SLC9A7: variants seen among roughly 807,000 people sequenced by gnomAD.
SLC9A7 encodes the protein solute carrier family 9 member A7.
SLC9A7 carries 19 observed loss-of-function variants against 52.6 expected under a neutral mutation model. The observed-to-expected ratio is 0.36, with a 90% CI of 0.25 to 0.53. The LOEUF is 0.53. SLC9A7 is among the 20% of genes least tolerant of loss of function. The pLI is 0.91. For missense variants in SLC9A7, 455 were observed against 597.9 expected (o/e 0.76, Z 2.49); for synonymous variants, 226 against 252.1 (o/e 0.90, Z 0.98).
At chrX:46,619,430 A>C (rs1413160548) in intron 15 of SLC9A7, among the ~76,000 whole-genome samples, 1 of 111,782 alleles carries the variant, frequency 8.9e-6, no homozygotes, top group Non-Finnish European at 1.9e-5. Flanking sequence ...ATGTATATGT[A>C]CATCAAAAGA....
intron 1 of SLC9A7, among the ~76,000 whole-genome samples, chrX:46,715,175 T>C (rs1321703060): frequency 8.9e-6 from 1 of 112,069 alleles, no homozygotes; most frequent in Admixed American, 9.5e-5. Context: ...TTTCTCTCAA[T>C]AAGTATCCTA....
At chrX:46,709,057 T>C (rs1339587431) in intron 1 of SLC9A7, among the ~76,000 whole-genome samples, 1 of 111,068 alleles carries the variant, frequency 9.0e-6, no homozygotes, top group East Asian at 2.8e-4. Context: ...TGTCGTGGGA[T>C]GTGCTGAGGT....
At chrX:46,684,893 G>T in intron 1 of SLC9A7, 1 of 122,602 alleles carries the variant, frequency 8.2e-6, no homozygotes. Flanking sequence ...CTGGCCTTGG[G>T]TGTTCATTAC....
chrX:46,642,051 CAGTGGA>C (rs1188715731), intron 12 of SLC9A7, among the ~76,000 whole-genome samples: 1 of 112,311 alleles, frequency 8.9e-6, no homozygotes, highest in Non-Finnish European at 1.9e-5. Flanking sequence ...GTGAAGCTGG[CAGTGGA>C]AGTGGAAGTG....
intron 1 of SLC9A7, among the ~76,000 whole-genome samples, chrX:46,691,200 GCT>G (rs1452462010): frequency 8.9e-6 from 1 of 112,111 alleles, no homozygotes; most frequent in Non-Finnish European, 1.9e-5. Flanking sequence ...GATTTATTGA[GCT>G]CTCACACAGT....
intron 14 of SLC9A7, among the ~76,000 whole-genome samples, chrX:46,625,681 G>A (rs1006726316): frequency 3.0e-5 from 3 of 99,176 alleles, no homozygotes; most frequent in Non-Finnish European, 4.0e-5. Flanking sequence ...CTGCACTCCA[G>A]CCTGGGCAAT....
chrX:46,690,293 G>A (rs967877349), intron 1 of SLC9A7, among the ~76,000 whole-genome samples: 3 of 112,277 alleles, frequency 2.7e-5, no homozygotes, highest in African/African-American at 6.5e-5. Flanking sequence ...TAGGTGTGTA[G>A]TGGTATTTCA....
In SLC9A7 at chrX:46,651,242, A is replaced by C; in HGVS notation, c.1237-19T>G. On this transcript the variant is annotated intron_variant, in intron 9 of 16. Coordinates refer to ENST00000616978, the MANE Select transcript of SLC9A7 (RefSeq NM_001257291.2). ...CAAAGAGCTGCACAGAGAAGGGAAA[A>C]GGAAGCTGTAACCCTGCAGTTCCCC... 1 of 1,180,009 alleles carries C rather than the reference A, an allele frequency of 8.5e-7. No homozygotes were observed. Among genetic ancestry groups the C allele is most frequent in the South Asian group, 1.8e-5 (1 of 56,037 alleles).
intron 5 of SLC9A7, among the ~76,000 whole-genome samples, chrX:46,664,859 C>T (rs1943890621): frequency 9.1e-6 from 1 of 110,480 alleles, no homozygotes; most frequent in East Asian, 2.8e-4. Flanking sequence ...TTAAGCAATT[C>T]CCCCCATCTC....
intron 1 of SLC9A7, among the ~76,000 whole-genome samples, chrX:46,734,214 G>A (rs1376419814): frequency 1.1e-5 from 1 of 92,248 alleles, no homozygotes; most frequent in African/African-American, 3.9e-5. Context: ...TTGCCCAGTT[G>A]AGAACCATTG....
chrX:46,655,613 C>T lies in SLC9A7; in HGVS notation c.1042-1899G>A, dbSNP rs190824114. On this transcript the variant is annotated intron_variant, in intron 7 of 16. Transcript: ENST00000616978. ...CCTAGTCAAAGAAAGGGGTGACAGA[C>T]GGCACCTGGAAAATCGGGTCACTCC... Among the ~76,000 whole-genome samples, 881 of 112,056 alleles carry T rather than the reference C, an allele frequency of 7.9e-3. 5 individuals carry two copies. The highest frequency in any genetic ancestry group is 0.027 in the African/African-American group (838 of 30,859).
intron 5 of SLC9A7, among the ~76,000 whole-genome samples, chrX:46,663,056 G>A (rs752715313): frequency 8.9e-6 from 1 of 112,614 alleles, no homozygotes; most frequent in East Asian, 2.8e-4. Flanking sequence ...GATTTTGGTC[G>A]GGCATGGTGG....
At chrX:46,739,545 A>G (rs756626102) in intron 1 of SLC9A7, among the ~76,000 whole-genome samples, 21 of 110,486 alleles carry the variant, frequency 1.9e-4, no homozygotes, top group Non-Finnish European at 3.2e-4. Context: ...AGCCCTCACA[A>G]TAGTTGTTCT....
At chrX:46,651,431 T>C in intron 8 of SLC9A7, 27 bp from the exon 9 acceptor site, 2 of 1,104,233 alleles carry the variant, frequency 1.8e-6, no homozygotes, top group Non-Finnish European at 2.4e-6. Context: ...CCAAAAAAAA[T>C]CAATGGAAAA....
At position 46,607,054 on chromosome X, in the gene SLC9A7, C is replaced by T; in HGVS notation, c.2079G>A (p.Lys693=). 8.3e-7 allele frequency: 1 copy of T among 1,211,773 alleles called. No homozygotes were observed. The highest frequency in any genetic ancestry group is 1.8e-5 in the South Asian group (1 of 56,958). The change falls in exon 17 of 17, where the codon AAG becomes AAA. Residue 693 remains lysine (K), a synonymous_variant. Transcript: ENST00000616978. ...GCTCCAGCACTTCCTCCGAGCTGCT[C>T]TTCGTTCTCCGGCTGCCCTCCAGAC... is the stretch of plus-strand genomic sequence containing the variant. ...STSLEGSRRT[K]SSSEEVLERD...
chrX:46,667,845 T>C (rs7887049), intron 5 of SLC9A7, among the ~76,000 whole-genome samples: 4,500 of 112,039 alleles, frequency 0.04, 205 homozygotes, highest in African/African-American at 0.14. Context: ...GTAACTACTT[T>C]ATGCAAACTG....
chrX:46,686,698 C>A (rs994052517), intron 1 of SLC9A7, among the ~76,000 whole-genome samples: 1 of 111,370 alleles, frequency 9.0e-6, no homozygotes, highest in African/African-American at 3.3e-5. Context: ...AGATTAACAG[C>A]CTAGTGTTCT....
chrX:46,715,624 G>A (rs188957223), intron 1 of SLC9A7, among the ~76,000 whole-genome samples: 138 of 111,911 alleles, frequency 1.2e-3, no homozygotes, highest in Non-Finnish European at 2.2e-3. Flanking sequence ...GTCTTGAGAA[G>A]CCTTATACAT....
intron 1 of SLC9A7, among the ~76,000 whole-genome samples, chrX:46,711,899 T>TTC (rs778950018): frequency 0.41 from 37,072 of 91,010 alleles, 6,422 homozygotes; most frequent in Non-Finnish European, 0.55. Context: ...GCCTCTAAAT[T>TTC]ACACACACAC....
Sources: gnomAD v4.1 joint callset for allele counts (sites outside exome capture counted in the v4.1 genomes callset) on GRCh38, gnomAD v4.1.1 for gene constraint, MANE v1.5 for transcripts, NCBI Gene and HGNC (gene_info 2026-07-23, HGNC 2026-07-21) for gene names.